MYLIP: variants seen among roughly 807,000 people sequenced by gnomAD.
MYLIP encodes myosin regulatory light chain interacting protein.
MYLIP carries 26 observed loss-of-function variants against 45.8 expected under a neutral mutation model. The observed-to-expected ratio is 0.57, with a 90% CI of 0.42 to 0.79. MYLIP has a LOEUF of 0.79. MYLIP is among the 30% of genes least tolerant of loss of function. The pLI, the probability that MYLIP is intolerant of heterozygous loss-of-function variation, is 0.00. For missense variants in MYLIP, 494 were observed against 555.6 expected (o/e 0.89, Z 1.11); for synonymous variants, 213 against 218.1 (o/e 0.98, Z 0.21).
chr6:16,130,712 C>T lies in MYLIP; in HGVS notation c.243C>T (p.Phe81=), dbSNP rs1019770568. The change falls in exon 2 of 7, where the codon TTC becomes TTT. Residue 81 remains phenylalanine (F), a synonymous_variant. Transcript: ENST00000356840. ...PYRLKLRVKF[F]VEPHLILQEQ... is the part of the protein sequence containing the mutation. ...GGCTTAAACTTAGAGTCAAGTTCTT[C>T]GTGGAGCCTCATCTCATCTTACAGG... 1.9e-6 allele frequency: 3 copies of T among 1,613,948 alleles called. No homozygotes were observed. The highest frequency in any genetic ancestry group is 1.3e-5 in the African/African-American group (1 of 74,900).
At chr6:16,160,020 G>T in the MYLIP span, among the ~76,000 whole-genome samples, 23 of 152,290 alleles carry the variant, frequency 1.5e-4, no homozygotes, top group Middle Eastern at 3.4e-3. Flanking sequence ...TTAGATTTAG[G>T]CATTGCCTGC....
At chr6:16,135,806 A>G (rs1759544698) in intron 2 of MYLIP, among the ~76,000 whole-genome samples, 1 of 145,418 alleles carries the variant, frequency 6.9e-6, no homozygotes, top group Non-Finnish European at 1.5e-5. Flanking sequence ...TATAGTGTAT[A>G]TATACAGTAT....
At chr6:16,131,462 C>T (rs1476771413) in intron 2 of MYLIP, among the ~76,000 whole-genome samples, 1 of 152,132 alleles carries the variant, frequency 6.6e-6, no homozygotes, top group African/African-American at 2.4e-5. Context: ...ATATGTTCTC[C>T]CCTGGACTGA....
intron 4 of MYLIP, 34 bp downstream of exon 4, chr6:16,143,251 A>T (rs1401403264): frequency 1.3e-6 from 2 of 1,585,776 alleles, no homozygotes; most frequent in Non-Finnish European, 1.7e-6. Context: ...TGACCTAAGC[A>T]TGTGTATACA....
At chr6:16,138,205 G>A (rs113830164) in intron 2 of MYLIP, among the ~76,000 whole-genome samples, 1 of 151,996 alleles carries the variant, frequency 6.6e-6, no homozygotes, top group East Asian at 1.9e-4. Flanking sequence ...AGCCTCTATT[G>A]AATTGAATAT....
chr6:16,129,456 G>T lies in MYLIP; in HGVS notation c.87+47G>T. ...GGGCCCCGGCGGGTCCCGCGAGGCCGAGGGGCCTCGCAGCGACGCCTGGCA... is the reference window on the plus strand; with the variant it reads ...GGGCCCCGGCGGGTCCCGCGAGGCCTAGGGGCCTCGCAGCGACGCCTGGCA... On this transcript the variant is annotated intron_variant, in intron 1 of 6. Transcript: ENST00000356840. This position sits in a 1 kb window ranked among gnomAD's most constrained non-coding sequence, Gnocchi z 5.1. 1.3e-6 allele frequency: 2 copies of T among 1,520,054 alleles called. No homozygotes were observed. The highest frequency in any genetic ancestry group is 1.4e-5 in the African/African-American group (1 of 72,224). 94.2% of individuals were successfully genotyped at this position (1,520,054 alleles called of 1,614,324 possible).
chr6:16,156,543 C>A, the MYLIP span, among the ~76,000 whole-genome samples: 1 of 152,182 alleles, frequency 6.6e-6, no homozygotes, highest in African/African-American at 2.4e-5. Flanking sequence ...TTACTGCAGG[C>A]CTTACTGAGG....
chr6:16,143,871 T>C lies in MYLIP; in HGVS notation c.827+8T>C. On this transcript the variant is annotated splice_region_variant and intron_variant, in intron 5 of 6. Transcript: ENST00000356840. ...GACGCACGCATTCTACAGGCACGTA[T>C]CTCGTGTGCTTGGTCACCTCAGCAC... The C allele has an allele frequency of 6.2e-7, 1 of 1,611,092 alleles. No homozygotes were observed. The highest frequency in any genetic ancestry group is 1.1e-5 in the South Asian group (1 of 90,898).
At chr6:16,156,390 T>C in the MYLIP span, among the ~76,000 whole-genome samples, 2 of 152,234 alleles carry the variant, frequency 1.3e-5, no homozygotes, top group East Asian at 1.9e-4. Flanking sequence ...GCTGCTTCTC[T>C]TCTCTTTATG....
the MYLIP span, among the ~76,000 whole-genome samples, chr6:16,158,301 G>A: frequency 2.0e-5 from 3 of 152,308 alleles, no homozygotes; most frequent in Admixed American, 1.3e-4. Context: ...CGTTTGGTCC[G>A]AAAAGACAGA....
downstream of MYLIP, among the ~76,000 whole-genome samples, chr6:16,148,665 A>G (rs1011270941): frequency 1.6e-4 from 25 of 151,880 alleles, no homozygotes; most frequent in African/African-American, 5.3e-4. Context: ...TTAACAATTA[A>G]CAACCCAGCT....
In MYLIP at chr6:16,133,629, G is replaced by T. The variant is rs144669070; in HGVS notation, c.278+2882G>T. 7.1e-4 allele frequency among the ~76,000 whole-genome samples: 108 copies of T among 152,254 alleles called. 1 individual carries two copies. In the East Asian group the frequency reaches 0.017, roughly 24 times the overall value. ...TCTTGGAAATTCTTGCCTTTCAAAG[G>T]CTTTGAGTTTACTGCAATTCTGACT... On this transcript the variant is annotated intron_variant, in intron 2 of 6. Transcript: ENST00000356840.
In MYLIP at chr6:16,129,415, G is replaced by A. The variant is rs1330263607; in HGVS notation, c.87+6G>A. On this transcript the variant is annotated splice_donor_region_variant and intron_variant, in intron 1 of 6. Coordinates refer to ENST00000356840, the MANE Select transcript of MYLIP (RefSeq NM_013262.4). The surrounding 1 kb of genome is among the most constrained non-coding windows in gnomAD (Gnocchi z 5.1). ...GCGAGGACTGCCTCAACCAGGTGAG[G>A]GCGAGGGGCAAGAAGGGGCCCCGGC... 3.2e-6 allele frequency: 5 copies of A among 1,579,726 alleles called. No individual in the cohort carries two copies. The highest frequency in any genetic ancestry group is 4.3e-6 in the Non-Finnish European group (5 of 1,163,476).
the MYLIP span, among the ~76,000 whole-genome samples, chr6:16,158,104 G>A: frequency 1.7e-4 from 26 of 152,192 alleles, no homozygotes; most frequent in African/African-American, 5.8e-4. Context: ...TTTCCAAAGA[G>A]CCTACGGATT....
chr6:16,157,400 A>C, the MYLIP span, among the ~76,000 whole-genome samples: 6 of 152,258 alleles, frequency 3.9e-5, no homozygotes, highest in African/African-American at 1.2e-4. Flanking sequence ...CATAGCATTT[A>C]TCACTATCTG....
intron 2 of MYLIP, among the ~76,000 whole-genome samples, chr6:16,140,717 C>T (rs913888990): frequency 2.6e-5 from 4 of 152,140 alleles, no homozygotes; most frequent in African/African-American, 9.7e-5. Context: ...ATAGCAGCTG[C>T]AGGGAATGAC....
chr6:16,134,922 A>G (rs1759520745), intron 2 of MYLIP, among the ~76,000 whole-genome samples: 1 of 151,968 alleles, frequency 6.6e-6, no homozygotes, highest in African/African-American at 2.4e-5. Flanking sequence ...TTTGTATGAA[A>G]TATTCAAGGA....
At chr6:16,134,688 A>G (rs1035115890) in intron 2 of MYLIP, among the ~76,000 whole-genome samples, 13 of 152,258 alleles carry the variant, frequency 8.5e-5, no homozygotes, top group African/African-American at 3.1e-4. Flanking sequence ...AATCTGGGAA[A>G]GATTGCATGC....
the MYLIP span, among the ~76,000 whole-genome samples, chr6:16,155,828 C>G: frequency 3.3e-5 from 5 of 152,294 alleles, no homozygotes; most frequent in African/African-American, 1.2e-4. Context: ...AAGTATTAAA[C>G]AGCTCAGTGG....
Sources: allele counts gnomAD v4.1 joint callset (sites outside exome capture counted in the v4.1 genomes callset), GRCh38; gene constraint gnomAD v4.1.1; non-coding constraint Gnocchi (gnomAD v3.1); transcripts MANE v1.5; gene names NCBI Gene and HGNC (gene_info 2026-07-23, HGNC 2026-07-21).